GRIP2: variants seen among roughly 807,000 people sequenced by gnomAD.
GRIP2 encodes the protein glutamate receptor interacting protein 2, also known as glutamate receptor-interacting protein 2.
In GRIP2, 58 loss-of-function variants were observed where a neutral mutation model predicts 108.3. That is an observed-to-expected ratio of 0.54 (90% CI 0.43 to 0.67). GRIP2 has a LOEUF of 0.67. GRIP2 is among the 30% of genes least tolerant of loss of function. GRIP2 has a pLI of 0.00. For missense variants in GRIP2, 1,278 were observed against 1,430.6 expected, an observed-to-expected ratio of 0.89 and a Z score of 1.72; for synonymous variants, 586 against 598.2, an observed-to-expected ratio of 0.98 and a Z score of 0.30.
upstream of GRIP2, among the ~76,000 whole-genome samples, chr3:14,558,050 G>A (rs1210996308): frequency 1.3e-5 from 2 of 152,234 alleles, no homozygotes; most frequent in Non-Finnish European, 2.9e-5. Context: ...AATGGGGATG[G>A]GAGGCCCAGT....
rs1308275100 is a variant in GRIP2, at chr3:14,509,886, G to A, written c.2012C>T (p.Ser671Leu). 8 of 1,545,722 alleles carry A rather than the reference G, an allele frequency of 5.2e-6. No individual in the cohort carries two copies. Among genetic ancestry groups the A allele is most frequent in the East Asian group, 2.5e-5 (1 of 40,570 alleles). ...GGGGTCAAAAGGTTCCTCCGTGCCC[G>A]AAATGGTGATGCCCAGGGGACCCCC... is the stretch of plus-strand genomic sequence containing the variant. ...RYGGPLGITI[S>L]GTEEPFDPIV... Residue 671 changes from serine to leucine, a missense_variant, in exon 17 of 24, where the codon TCG (serine) becomes TTG (leucine). Transcript: ENST00000621039.
At chr3:14,599,602 T>C in the GRIP2 span, among the ~76,000 whole-genome samples, 1 of 151,542 alleles carries the variant, frequency 6.6e-6, no homozygotes, top group Non-Finnish European at 1.5e-5. Context: ...AGGGGTCCTC[T>C]GGAAGCATTT....
chr3:14,524,352 A>G, intron 4 of GRIP2, 41 bp downstream of exon 4: 1 of 1,591,070 alleles, frequency 6.3e-7, no homozygotes, highest in South Asian at 1.2e-5. Flanking sequence ...TCCACCCGCA[A>G]CCGAGGCAGT....
chr3:14,532,218 G>A (rs563705779), intron 1 of GRIP2, among the ~76,000 whole-genome samples: 6 of 152,358 alleles, frequency 3.9e-5, no homozygotes, highest in African/African-American at 1.4e-4. Flanking sequence ...GAAAAGACGG[G>A]AGAAGGTCTG....
At chr3:14,548,255 G>A (rs1269658581) in intron 1 of GRIP2, among the ~76,000 whole-genome samples, 1 of 152,198 alleles carries the variant, frequency 6.6e-6, no homozygotes, top group Admixed American at 6.5e-5. Context: ...GGGTTCCGCA[G>A]ACACAGTTCT....
intron 1 of GRIP2, among the ~76,000 whole-genome samples, chr3:14,548,302 G>A (rs1695088168): frequency 6.6e-6 from 1 of 152,136 alleles, no homozygotes; most frequent in African/African-American, 2.4e-5. Context: ...GGCATTCCCG[G>A]CACTGTGACC....
chr3:14,556,979 A>G (rs377692921), upstream of GRIP2, among the ~76,000 whole-genome samples: 15 of 152,314 alleles, frequency 9.8e-5, no homozygotes, highest in East Asian at 2.1e-3. Flanking sequence ...AGCCCCTCTG[A>G]TGAATCAGGC....
intron 1 of GRIP2, among the ~76,000 whole-genome samples, chr3:14,549,231 T>C (rs1179076031): frequency 6.6e-6 from 1 of 152,242 alleles, no homozygotes; most frequent in Non-Finnish European, 1.5e-5. Context: ...CTTCTAACAC[T>C]GTAGTTCAAT....
intron 1 of GRIP2, among the ~76,000 whole-genome samples, chr3:14,539,858 C>A (rs1251445862): frequency 1.3e-5 from 2 of 152,180 alleles, no homozygotes; most frequent in Admixed American, 1.3e-4. Flanking sequence ...AACTCCTCAC[C>A]ACCACCTTGC....
the GRIP2 span, among the ~76,000 whole-genome samples, chr3:14,569,564 G>T: frequency 1.3e-5 from 2 of 152,180 alleles, no homozygotes; most frequent in Non-Finnish European, 2.9e-5. Context: ...AGGGGTCCTG[G>T]GGGAGAGACC....
At chr3:14,519,798 G>C (rs906569201) in intron 9 of GRIP2, among the ~76,000 whole-genome samples, 1 of 152,216 alleles carries the variant, frequency 6.6e-6, no homozygotes, top group Non-Finnish European at 1.5e-5. Flanking sequence ...TCTAAGCTCT[G>C]AGTAGCAGAG....
chr3:14,510,485 G>T (rs1163969599), intron 16 of GRIP2, among the ~76,000 whole-genome samples: 1 of 151,874 alleles, frequency 6.6e-6, no homozygotes, highest in African/African-American at 2.4e-5. Context: ...GGCTGGTCTC[G>T]AACTCCTGGG....
At chr3:14,574,622 G>A in the GRIP2 span, 2 of 673,396 alleles carry the variant, frequency 3.0e-6, no homozygotes, top group South Asian at 3.1e-5. Context: ...TACCTTCCTG[G>A]GCAAAGAAGG....
Position 14,512,902 on chromosome 3 carries a change from A to T in GRIP2, c.1640-45T>A. 1.9e-6 allele frequency: 3 copies of T among 1,565,150 alleles called. No individual in the cohort carries two copies. The highest frequency in any genetic ancestry group is 1.4e-5 in the African/African-American group (1 of 74,032). On this transcript the variant is annotated intron_variant, in intron 13 of 23. Transcript: ENST00000621039. This position sits in a 1 kb window ranked among gnomAD's most constrained non-coding sequence, Gnocchi z 5.1. ...AACCGACGTGAGGACCCAGAGGAGGAGCCTCAGCGAACCCCAGCCCCATGC... is the reference window on the plus strand; with the variant it reads ...AACCGACGTGAGGACCCAGAGGAGGTGCCTCAGCGAACCCCAGCCCCATGC...
At chr3:14,555,824 A>T in intron 1 of GRIP2, 1 of 399,474 alleles carries the variant, frequency 2.5e-6, no homozygotes, top group Non-Finnish European at 4.4e-6. Flanking sequence ...GAGGGAGAGC[A>T]GGGGTGACTG....
At chr3:14,574,185 G>A in the GRIP2 span, 1 of 882,684 alleles carries the variant, frequency 1.1e-6, no homozygotes, top group African/African-American at 1.6e-5. Context: ...GTGCACGAAG[G>A]TGAGCCAGTG....
At chr3:14,519,607 C>T (rs567386381) in intron 9 of GRIP2, among the ~76,000 whole-genome samples, 10 of 152,142 alleles carry the variant, frequency 6.6e-5, no homozygotes, top group Non-Finnish European at 1.2e-4. Context: ...TGCCCCTGGC[C>T]CCAACTGTGC....
chr3:14,558,576 G>A (rs1173795017), upstream of GRIP2, among the ~76,000 whole-genome samples: 1 of 152,148 alleles, frequency 6.6e-6, no homozygotes, highest in African/African-American at 2.4e-5. Flanking sequence ...CCAGGGTGCG[G>A]GAGAGGCAGA....
chr3:14,533,119 C>T (rs1694752971), intron 1 of GRIP2, among the ~76,000 whole-genome samples: 1 of 152,244 alleles, frequency 6.6e-6, no homozygotes, highest in Non-Finnish European at 1.5e-5. Flanking sequence ...TCAGCCACCA[C>T]GGATTCAGGC....
Sources: gnomAD v4.1 joint callset for allele counts (sites outside exome capture counted in the v4.1 genomes callset) on GRCh38, gnomAD v4.1.1 for gene constraint, Gnocchi (gnomAD v3.1) non-coding constraint, MANE v1.5 for transcripts, NCBI Gene and HGNC (gene_info 2026-07-23, HGNC 2026-07-21) for gene names.